The following MAP4 variants were observed in gnomAD, a reference collection of about 807,000 sequenced individuals.
MAP4 encodes the protein microtubule-associated protein 4.
MAP4 carries 76 observed loss-of-function variants against 170.2 expected under a neutral mutation model. The observed-to-expected ratio is 0.45, with a 90% CI of 0.37 to 0.54. The LOEUF is 0.54. Ranked by LOEUF, MAP4 falls within the 20% of genes least tolerant of loss-of-function variation. The pLI, the probability that MAP4 is intolerant of heterozygous loss-of-function variation, is 0.00. For synonymous variants in MAP4, 909 were observed against 994.5 expected (o/e 0.91, Z 1.62); for missense variants, 2,506 against 2,748.0 (o/e 0.91, Z 1.97).
intron 1 of MAP4, among the ~76,000 whole-genome samples, chr3:48,026,004 C>T (rs537831135): frequency 6.3e-4 from 96 of 151,260 alleles, no homozygotes; most frequent in African/African-American, 2.3e-3. Flanking sequence ...AAAGCAAAGT[C>T]TATACATCTG....
chr3:47,869,737 G>A (rs1382735742), intron 15 of MAP4, among the ~76,000 whole-genome samples: 3 of 152,092 alleles, frequency 2.0e-5, no homozygotes, highest in Non-Finnish European at 4.4e-5. Flanking sequence ...AATACTGATA[G>A]AAAGTGTCAG....
In MAP4 at chr3:47,927,822, T is replaced by C. The variant is rs534172466; in HGVS notation, c.415+406A>G. ...GGGTATGAATCAGCTTTCTCTTCTG[T>C]CAAAAGAGGATACATATATTTGGCA... On this transcript the variant is annotated intron_variant, in intron 4 of 20. Coordinates refer to ENST00000683076, the MANE Select transcript of MAP4 (RefSeq NM_001385682.1). 1.6e-4 allele frequency among the ~76,000 whole-genome samples: 24 copies of C among 152,280 alleles called. No individual in the cohort carries two copies. In the South Asian group the frequency reaches 4.4e-3, roughly 28 times the overall value.
At chr3:47,898,760 A>G (rs1329038824) in intron 10 of MAP4, among the ~76,000 whole-genome samples, 1 of 152,166 alleles carries the variant, frequency 6.6e-6, no homozygotes, top group Non-Finnish European at 1.5e-5. Flanking sequence ...CCTGGGCAAC[A>G]TAGCAGGACC....
At chr3:47,963,098 T>C (rs1485950013) in intron 3 of MAP4, among the ~76,000 whole-genome samples, 2 of 152,232 alleles carry the variant, frequency 1.3e-5, no homozygotes, top group African/African-American at 2.4e-5. Context: ...GGAGCTCACT[T>C]TTGAAGTTTC....
At chr3:47,853,386 T>A in intron 19 of MAP4, 34 bp from the exon 20 acceptor site, 3 of 1,421,908 alleles carry the variant, frequency 2.1e-6, no homozygotes, top group Non-Finnish European at 2.9e-6. Context: ...CAGTGCAGGG[T>A]CAGTCGAGGG....
rs567034413 is a variant in MAP4, at chr3:48,047,043, G to A, written c.-20+41730C>T. Among the ~76,000 whole-genome samples, 8 of 151,674 alleles carry A rather than the reference G, an allele frequency of 5.3e-5. No homozygotes were observed. The South Asian group carries it at 6.2e-4, about 12-fold the overall frequency. On this transcript the variant is annotated intron_variant, in intron 1 of 18. Transcript: ENST00000360240. The stretch of plus-strand genomic sequence containing the variant: ...CAGGAGGCGGAGCTTGCAGTAAGCC[G>A]AGACCACACCACTGCACTCCAGCCT...
chr3:48,045,463 T>C (rs570161609), intron 1 of MAP4, among the ~76,000 whole-genome samples: 3 of 152,134 alleles, frequency 2.0e-5, no homozygotes, highest in African/African-American at 7.2e-5. Context: ...GAACTGTGCA[T>C]GCGAGGGCTC....
Position 47,911,608 on chromosome 3 carries a change from G to GT in MAP4, c.2812dup (p.Thr938AsnfsTer8). ...CTCTTTAAGTCTGATATCCAAAGGGGTTTCTACATTGTATGCAGAAACTTC... is the reference window on the plus strand; with the variant it reads ...CTCTTTAAGTCTGATATCCAAAGGGGTTTTCTACATTGTATGCAGAAACTTC... On this transcript the variant is annotated frameshift_variant, in exon 9 of 21. Transcript: ENST00000683076. LOFTEE classifies it high-confidence loss of function. This position sits in a 1 kb window ranked among gnomAD's most constrained non-coding sequence, Gnocchi z 4.0. The GT allele has an allele frequency of 6.5e-7, 1 of 1,536,086 alleles. No individual in the cohort carries two copies. The highest frequency in any genetic ancestry group is 8.7e-7 in the Non-Finnish European group (1 of 1,146,904).
intron 1 of MAP4, among the ~76,000 whole-genome samples, chr3:48,079,109 T>C (rs1294596198): frequency 6.6e-6 from 1 of 151,956 alleles, no homozygotes; most frequent in Non-Finnish European, 1.5e-5. Context: ...AGTTCAAGGC[T>C]GAAGTGAGCT....
intron 1 of MAP4, among the ~76,000 whole-genome samples, chr3:48,069,503 C>A (rs1003059563): frequency 6.6e-6 from 1 of 152,172 alleles, no homozygotes; most frequent in African/African-American, 2.4e-5. Context: ...CTGATAATTG[C>A]AAAGTTTGTT....
intron 16 of MAP4, 94 bp from the exon 17 acceptor site, chr3:47,867,432 G>A (rs1432301939): frequency 2.5e-6 from 2 of 799,918 alleles, no homozygotes; most frequent in African/African-American, 1.7e-5. Context: ...TGATCACAAT[G>A]ACCAACAAAA....
chr3:47,918,960 GCT>G lies in MAP4; in HGVS notation c.530-121_530-120del. ...TGTTTTTTTTTTGAGACAGAGTTTC[GCT>G]CTGTTGCCCACGCAGACAGAGTGAA... On this transcript the variant is annotated intron_variant, in intron 5 of 20. Coordinates refer to ENST00000683076, the MANE Select transcript of MAP4 (RefSeq NM_001385682.1). 3.9e-6 allele frequency: 3 copies of G among 768,078 alleles called. No individual in the cohort carries two copies. The South Asian group carries it at 5.2e-5, about 13-fold the overall frequency. 47.6% of individuals were successfully genotyped at this position (768,078 alleles called of 1,614,324 possible).
chr3:48,051,424 A>G (rs1200992237), intron 1 of MAP4, among the ~76,000 whole-genome samples: 9 of 152,158 alleles, frequency 5.9e-5, no homozygotes, highest in Non-Finnish European at 1.2e-4. Context: ...ACACACACTC[A>G]GACCCACATA....
At chr3:47,921,326 A>C (rs546966678) in intron 5 of MAP4, among the ~76,000 whole-genome samples, 1 of 152,352 alleles carries the variant, frequency 6.6e-6, no homozygotes, top group South Asian at 2.1e-4. Flanking sequence ...AAAGGACACC[A>C]GAATATGCCA....
At chr3:48,005,797 A>G (rs2100101992) in intron 1 of MAP4, among the ~76,000 whole-genome samples, 1 of 152,192 alleles carries the variant, frequency 6.6e-6, no homozygotes, top group African/African-American at 2.4e-5. Flanking sequence ...GAATCTTTGA[A>G]GAGCCCTGTA....
At position 47,893,902 on chromosome 3, in the gene MAP4, T is replaced by A. The variant is rs929758241; in HGVS notation, c.5434+9048A>T. 2.0e-5 allele frequency among the ~76,000 whole-genome samples: 3 copies of A among 152,156 alleles called. No individual in the cohort carries two copies. The East Asian group carries it at 5.8e-4, about 29-fold the overall frequency. On this transcript the variant is annotated intron_variant, in intron 10 of 20. Transcript: ENST00000683076. The stretch of plus-strand genomic sequence containing the variant: ...TGTAAAGAAATTACCAAGGTCCGCA[T>A]AGGAAAGCTTGCTAAACTGTAGCCT...
chr3:47,973,979 T>C lies in MAP4; in HGVS notation c.292+3886A>G, dbSNP rs573854816. The C allele has an allele frequency of 3.0e-4, 295 of 985,458 alleles. 2 individuals are homozygous for C. The Admixed American group carries it at 3.0e-3, about 10-fold the overall frequency. 61.0% of individuals were successfully genotyped at this position (985,458 alleles called of 1,614,324 possible). A position where few individuals can be genotyped will look rare whatever the true frequency, so the allele number is the denominator to read the frequency against. ...TTCTGTCCAGAATCCATAGAAGAAA[T>C]TTTTGTCAGAGAATCCAGCCCTTGT... On this transcript the variant is annotated intron_variant, in intron 3 of 20. Coordinates refer to ENST00000683076, the MANE Select transcript of MAP4 (RefSeq NM_001385682.1).
At chr3:48,010,187 C>G (rs1438921253) in intron 1 of MAP4, among the ~76,000 whole-genome samples, 1 of 152,092 alleles carries the variant, frequency 6.6e-6, no homozygotes, top group Non-Finnish European at 1.5e-5. Flanking sequence ...ATCACTCCAC[C>G]AGGAAAAAAA....
chr3:47,973,001 G>A, intron 3 of MAP4: 1 of 983,924 alleles, frequency 1.0e-6, no homozygotes, highest in Non-Finnish European at 1.2e-6. Context: ...CCTAGAACTT[G>A]GGCCTCAAGT....
Sources: gnomAD v4.1 joint callset for allele counts (sites outside exome capture counted in the v4.1 genomes callset) on GRCh38, gnomAD v4.1.1 for gene constraint, Gnocchi (gnomAD v3.1) non-coding constraint, MANE v1.5 for transcripts, NCBI Gene and HGNC (gene_info 2026-07-23, HGNC 2026-07-21) for gene names.